TRIM5: variants seen among roughly 807,000 people sequenced by gnomAD.
TRIM5 encodes the protein tripartite motif containing 5, also known as tripartite motif-containing protein 5.
A neutral mutation model predicts 35.6 loss-of-function variants in TRIM5; 31 were observed. That is an observed-to-expected ratio of 0.87 (90% CI 0.65 to 1.18). The LOEUF is 1.18. Among genes scored for constraint, TRIM5 ranks in the 50% most tolerant of loss-of-function variants. The pLI, the probability that TRIM5 is intolerant of heterozygous loss-of-function variation, is 0.00. For synonymous variants in TRIM5, 243 were observed against 215.6 expected, an observed-to-expected ratio of 1.13 and a Z score of -1.11; for missense variants, 609 against 591.6, an observed-to-expected ratio of 1.03 and a Z score of -0.31.
Position 5,667,005 on chromosome 11 carries a change from A to G in TRIM5, c.767+684T>C, listed in dbSNP as rs569617416. 9.8e-5 allele frequency among the ~76,000 whole-genome samples: 15 copies of G among 152,290 alleles called. No homozygotes were observed. In the South Asian group the frequency reaches 2.5e-3, roughly 25 times the overall value. On this transcript the variant is annotated intron_variant, in intron 5 of 7. Transcript: ENST00000380034. ...GGGGTATATAAGAGAAAAAGAAGAT[A>G]TGGCCCATCCAAAATAAATCAAGAA...
chr11:5,632,174 T>C, the TRIM5 span: 6 of 1,505,966 alleles, frequency 4.0e-6, no homozygotes, highest in Non-Finnish European at 4.4e-6. Flanking sequence ...TATTGCAGTC[T>C]CGGCCAGTCT....
At chr11:5,662,252 A>G (rs1416101424), downstream of TRIM5, among the ~76,000 whole-genome samples, 1 of 152,346 alleles carries the variant, frequency 6.6e-6, no homozygotes, top group African/African-American at 2.4e-5. Context: ...AGACTATTTG[A>G]TGAGGTAGAC....
chr11:5,596,722 C>CCCCT, the TRIM5 span: 33 of 951,040 alleles, frequency 3.5e-5, no homozygotes, highest in African/African-American at 8.3e-5. Flanking sequence ...GAGGAGGGAT[C>CCCCT]CCCTGCCTTT....
At chr11:5,605,849 CT>C in the TRIM5 span, among the ~76,000 whole-genome samples, 1 of 152,312 alleles carries the variant, frequency 6.6e-6, no homozygotes, top group East Asian at 1.9e-4. Flanking sequence ...TGATGTTGTT[CT>C]TTCTTTCTCA....
chr11:5,668,093 C>T (rs778713072), intron 4 of TRIM5, among the ~76,000 whole-genome samples: 2 of 151,988 alleles, frequency 1.3e-5, no homozygotes, highest in Non-Finnish European at 2.9e-5. Flanking sequence ...ATAGCATGAC[C>T]GCATCTCTAC....
the TRIM5 span, among the ~76,000 whole-genome samples, chr11:5,637,043 G>A: frequency 6.6e-6 from 1 of 152,192 alleles, no homozygotes; most frequent in East Asian, 1.9e-4. Context: ...GGTGATGGCG[G>A]CTGCCTGTAG....
chr11:5,647,528 A>G, the TRIM5 span, among the ~76,000 whole-genome samples: 6 of 152,006 alleles, frequency 3.9e-5, no homozygotes, highest in Non-Finnish European at 5.9e-5. Context: ...AGCAAATGAG[A>G]CATCATTTTT....
At chr11:5,656,793 T>C in the TRIM5 span, among the ~76,000 whole-genome samples, 2 of 152,120 alleles carry the variant, frequency 1.3e-5, no homozygotes, top group African/African-American at 4.8e-5. Context: ...ATGGCGATCA[T>C]TAAAAAGTCA....
rs771502748 is a variant in TRIM5 at position 5,679,080 on chromosome 11, G to A, written c.507C>T (p.Ser169=). The change falls in exon 3 of 8, where the codon TCC becomes TCT. Residue 169 remains serine (S), a synonymous_variant. Coordinates refer to ENST00000380034, the MANE Select transcript of TRIM5 (RefSeq NM_033034.3). Reference sequence around the variant, plus strand: ...GGGAACCACATCCTCTTGCCTTCCAGGAAGCTTTCTCTTCTCTGATGTCAG... The same window carrying A: ...GGGAACCACATCCTCTTGCCTTCCAAGAAGCTTTCTCTTCTCTGATGTCAG... The part of the protein sequence containing the change: ...LEADIREEKA[S]WKTQIQYDKT... The A allele has an allele frequency of 4.3e-6, 7 of 1,613,712 alleles. No homozygotes were observed. The African/African-American group carries it at 9.3e-5, about 22-fold the overall frequency.
the TRIM5 span, among the ~76,000 whole-genome samples, chr11:5,639,506 C>T: frequency 1.3e-5 from 2 of 151,610 alleles, no homozygotes; most frequent in African/African-American, 4.8e-5. Context: ...CAGTGAAACC[C>T]CGTCTCTACT....
chr11:5,651,058 G>A, the TRIM5 span, among the ~76,000 whole-genome samples: 1 of 152,114 alleles, frequency 6.6e-6, no homozygotes, highest in Non-Finnish European at 1.5e-5. Flanking sequence ...CTTAGTAAAT[G>A]GACTGGAGTG....
chr11:5,647,270 A>T, the TRIM5 span, among the ~76,000 whole-genome samples: 1 of 152,224 alleles, frequency 6.6e-6, no homozygotes, highest in East Asian at 1.9e-4. Flanking sequence ...ATTGTCAAGT[A>T]GGTGTACAGT....
chr11:5,637,578 A>T, the TRIM5 span, among the ~76,000 whole-genome samples: 76 of 152,338 alleles, frequency 5.0e-4, no homozygotes, highest in African/African-American at 1.8e-3. Context: ...ACTATTATTT[A>T]AAATTTTTTT....
chr11:5,651,115 C>CA, the TRIM5 span, among the ~76,000 whole-genome samples: 1 of 152,196 alleles, frequency 6.6e-6, no homozygotes, highest in East Asian at 1.9e-4. Context: ...CAAAGAGGGT[C>CA]ACTAGGTCCT....
In TRIM5 at chr11:5,665,317, G is replaced by A; in HGVS notation, c.974C>T (p.Pro325Leu). The part of the protein sequence containing the change: ...EDKRQVSSPK[P>L]QIIYGARGTR... Reference sequence around the variant, plus strand: ...CCCTCGTGCCCCATATATTATCTGTGGTTTCGGAGAGCTCACTTGTCTCTT... The same window carrying A: ...CCCTCGTGCCCCATATATTATCTGTAGTTTCGGAGAGCTCACTTGTCTCTT... Residue 325 changes from proline (P) to leucine (L), a missense_variant, in exon 8 of 8, where the codon CCA becomes CTA. Coordinates refer to ENST00000380034, the MANE Select transcript of TRIM5 (RefSeq NM_033034.3). The A allele has an allele frequency of 6.2e-7, 1 of 1,614,040 alleles. No individual in the cohort carries two copies. The highest frequency in any genetic ancestry group is 8.5e-7 in the Non-Finnish European group (1 of 1,180,002).
the TRIM5 span, chr11:5,632,474 C>A: frequency 6.2e-7 from 1 of 1,613,968 alleles, no homozygotes; most frequent in Non-Finnish European, 8.5e-7. Flanking sequence ...GAGGCAGTGA[C>A]CAGCATGGGA....
At chr11:5,616,378 A>G in the TRIM5 span, among the ~76,000 whole-genome samples, 1 of 145,992 alleles carries the variant, frequency 6.8e-6, no homozygotes, top group Non-Finnish European at 1.5e-5. Context: ...TAATATAGTT[A>G]TCTTCATTTT....
intron 4 of TRIM5, among the ~76,000 whole-genome samples, chr11:5,677,481 T>C (rs1360634061): frequency 1.3e-5 from 2 of 152,168 alleles, no homozygotes; most frequent in East Asian, 1.9e-4. Context: ...TGTGGAGAAA[T>C]AGGAACACTT....
the TRIM5 span, chr11:5,641,252 G>A: frequency 6.2e-7 from 1 of 1,610,984 alleles, no homozygotes; most frequent in Non-Finnish European, 8.5e-7. Flanking sequence ...AGCTATTAGA[G>A]TTATTTGGTG....
Sources: allele counts gnomAD v4.1 joint callset (sites outside exome capture counted in the v4.1 genomes callset), GRCh38; gene constraint gnomAD v4.1.1; transcripts MANE v1.5; gene names NCBI Gene and HGNC (gene_info 2026-07-23, HGNC 2026-07-21).